The following FAM227A variants were observed in gnomAD, a reference collection of about 807,000 sequenced individuals.
The protein encoded by FAM227A is family with sequence similarity 227 member A.
In FAM227A, 80 loss-of-function variants were observed where a neutral mutation model predicts 74.7. The observed-to-expected ratio is 1.07, with a 90% CI of 0.89 to 1.29. The LOEUF is 1.29. Among genes scored for constraint, FAM227A ranks in the 50% most tolerant of loss-of-function variants. The pLI is 0.00. For missense variants in FAM227A, 654 were observed against 683.4 expected (o/e 0.96, Z 0.48); for synonymous variants, 237 against 241.8 (o/e 0.98, Z 0.19).
intron 3 of FAM227A, among the ~76,000 whole-genome samples, chr22:38,641,398 A>G (rs1268368221): frequency 2.6e-5 from 4 of 152,066 alleles, no homozygotes; most frequent in Non-Finnish European, 2.9e-5. Context: ...CTCCTGAATA[A>G]AAAATTAGCC....
intron 16 of FAM227A, among the ~76,000 whole-genome samples, chr22:38,590,900 T>G (rs2090919600): frequency 6.6e-6 from 1 of 152,206 alleles, no homozygotes; most frequent in South Asian, 2.1e-4. Context: ...TTCTCCTGCC[T>G]CAGCCTCCCG....
chr22:38,599,959 T>C (rs1569194854), intron 13 of FAM227A, 38 bp from the exon 14 acceptor site: 2 of 1,509,374 alleles, frequency 1.3e-6, no homozygotes, highest in Non-Finnish European at 1.8e-6. Flanking sequence ...AAGGATATTG[T>C]CATTTTTACA....
At chr22:38,605,192 TACC>T (rs2091258127) in intron 13 of FAM227A, 59 bp downstream of exon 13, 1 of 932,918 alleles carries the variant, frequency 1.1e-6, no homozygotes, top group Non-Finnish European at 1.7e-6. Context: ...ATCATTTTCT[TACC>T]ACACCTCTCA....
intron 11 of FAM227A, among the ~76,000 whole-genome samples, chr22:38,613,371 A>ACATATAT (rs1314171613): frequency 8.8e-4 from 10 of 11,324 alleles, no homozygotes; most frequent in Admixed American, 3.1e-3. Context: ...ATCATATATA[A>ACATATAT]TATATAACAT....
At chr22:38,587,499 TACAC>T (rs1482691426) in intron 16 of FAM227A, among the ~76,000 whole-genome samples, 2 of 151,942 alleles carry the variant, frequency 1.3e-5, no homozygotes, top group African/African-American at 4.8e-5. Flanking sequence ...AAACTAGAAA[TACAC>T]AAATTACCAA....
Position 38,605,235 on chromosome 22 carries a change from T to A in FAM227A, c.1221+19A>T. 1 of 1,422,752 alleles carries A rather than the reference T, an allele frequency of 7.0e-7. No individual in the cohort carries two copies. The highest frequency in any genetic ancestry group is 9.7e-7 in the Non-Finnish European group (1 of 1,029,790). 88.1% of individuals were successfully genotyped at this position (1,422,752 alleles called of 1,614,324 possible). On this transcript the variant is annotated intron_variant, in intron 13 of 16. Coordinates refer to ENST00000535113, the MANE Select transcript of FAM227A (RefSeq NM_001013647.2). ...CTTTGGAATCACCTTTACTATTAAA[T>A]TTCCAATCATGTGCTCACCTTTTTA...
At chr22:38,640,277 C>T (rs1029525715) in intron 3 of FAM227A, among the ~76,000 whole-genome samples, 18 of 152,274 alleles carry the variant, frequency 1.2e-4, no homozygotes, top group Admixed American at 1.1e-3. Context: ...TCCTCATCTG[C>T]CCACCTCGGC....
At chr22:38,606,305 T>C (rs781193270) in intron 12 of FAM227A, among the ~76,000 whole-genome samples, 1 of 152,178 alleles carries the variant, frequency 6.6e-6, no homozygotes, top group Non-Finnish European at 1.5e-5. Context: ...TAGCTCAGAC[T>C]ACAGATGTGC....
intron 11 of FAM227A, among the ~76,000 whole-genome samples, chr22:38,614,685 G>C (rs992346860): frequency 2.0e-5 from 3 of 152,150 alleles, no homozygotes; most frequent in Non-Finnish European, 4.4e-5. Context: ...TGTGCTCAAG[G>C]TTCCAGAGTT....
At chr22:38,650,745 C>T (rs368629710) in intron 1 of FAM227A, among the ~76,000 whole-genome samples, 2 of 152,240 alleles carry the variant, frequency 1.3e-5, no homozygotes, top group South Asian at 4.2e-4. Flanking sequence ...AAGCTTTCTG[C>T]TCCCTCTCAG....
chr22:38,613,163 ATGCT>A (rs1404343672), intron 11 of FAM227A, among the ~76,000 whole-genome samples: 10 of 82,878 alleles, frequency 1.2e-4, no homozygotes, highest in African/African-American at 5.3e-4. Flanking sequence ...TTATATATCT[ATGCT>A]GTATATATAT....
chr22:38,645,559 T>A lies in FAM227A; in HGVS notation c.225+4A>T. On this transcript the variant is annotated splice_donor_region_variant and intron_variant, in intron 3 of 16. Coordinates refer to ENST00000535113, the MANE Select transcript of FAM227A (RefSeq NM_001013647.2). Reference sequence around the variant, plus strand: ...TTGTCTCAGCTCCAGCATAGGTAACTCACCAGGCTGTTGGCCGACGGCTCG... The same window carrying A: ...TTGTCTCAGCTCCAGCATAGGTAACACACCAGGCTGTTGGCCGACGGCTCG... The A allele has an allele frequency of 6.5e-7, 1 of 1,550,076 alleles. No homozygotes were observed. Among genetic ancestry groups the A allele is most frequent in the Non-Finnish European group, 8.7e-7 (1 of 1,145,610 alleles).
intron 10 of FAM227A, among the ~76,000 whole-genome samples, chr22:38,621,773 G>A (rs775507024): frequency 2.6e-5 from 4 of 152,200 alleles, no homozygotes; most frequent in Non-Finnish European, 5.9e-5. Context: ...ATCAACTGCA[G>A]AGTCGGAGTC....
intron 6 of FAM227A, among the ~76,000 whole-genome samples, chr22:38,633,396 C>T (rs1039092645): frequency 1.3e-5 from 2 of 152,102 alleles, no homozygotes; most frequent in African/African-American, 4.8e-5. Flanking sequence ...CTTTCCACCC[C>T]GCAAATGAAT....
rs758094346 is a variant in FAM227A, at chr22:38,583,005, C to T, written c.*3120G>A. On this transcript the variant is annotated 3_prime_UTR_variant, in exon 17 of 17. Transcript: ENST00000535113. ...TTTCAGGTCCAGAAGCAGCAACAGA[C>T]AAAAGATCCAGAAATAGGAAAGTGT... is the stretch of plus-strand genomic sequence containing the variant. 8.5e-5 allele frequency: 130 copies of T among 1,525,176 alleles called. No individual in the cohort carries two copies. The highest frequency in any genetic ancestry group is 1.0e-4 in the Non-Finnish European group (113 of 1,125,778). 94.5% of individuals were successfully genotyped at this position (1,525,176 alleles called of 1,614,324 possible).
Position 38,635,228 on chromosome 22 carries a change from CAAAAAAA to C in FAM227A, c.519+1216_519+1222del, listed in dbSNP as rs34498896. On this transcript the variant is annotated intron_variant, in intron 6 of 16. Transcript: ENST00000535113. Reference sequence around the variant, plus strand: ...CTGGCGACAGAGCGAGACTCTGTCTCAAAAAAAAAAAAAAAAAAAAAGGAAGGAAGGG... The same window carrying C: ...CTGGCGACAGAGCGAGACTCTGTCTCAAAAAAAAAAAAAAGGAAGGAAGGG... Among the ~76,000 whole-genome samples the C allele has an allele frequency of 1.5e-4, 10 of 67,412 alleles. No homozygotes were observed. The East Asian group carries it at 2.0e-3, about 13-fold the overall frequency. The allele number at this position is 67,412 out of a possible 152,430, so 44.2% of individuals were successfully genotyped here.
In FAM227A at chr22:38,628,841, C is replaced by G; in HGVS notation, c.614G>C (p.Arg205Thr). ...AAGCAGATTTGTATTTACCTGGTAC[C>G]TCTCATGAAATATCCACCAAAAGCT... is the stretch of plus-strand genomic sequence containing the variant. ...LDSFWWIFHE[R>T]YQPNKELQNN... Residue 205 changes from arginine to threonine, a missense_variant, in exon 7 of 17, where the codon AGG (arginine) becomes ACG (threonine). Physicochemically the swap from Arg to Thr is moderately conservative, Grantham distance 71. Transcript: ENST00000535113. The G allele has an allele frequency of 6.6e-7, 1 of 1,513,482 alleles. No homozygotes were observed. Among genetic ancestry groups the G allele is most frequent in the Non-Finnish European group, 9.0e-7 (1 of 1,116,360 alleles). 93.8% of individuals were successfully genotyped at this position (1,513,482 alleles called of 1,614,324 possible).
chr22:38,600,056 A>T (rs2091139030), intron 13 of FAM227A, 135 bp from the exon 14 acceptor site: 3 of 851,600 alleles, frequency 3.5e-6, no homozygotes, highest in Non-Finnish European at 5.2e-6. Context: ...TAAGAAAATT[A>T]CTCAAAATAA....
Position 38,582,967 on chromosome 22 carries a change from G to A in FAM227A, c.*3158C>T. 3 of 1,549,976 alleles carry A rather than the reference G, an allele frequency of 1.9e-6. No individual in the cohort carries two copies. In the South Asian group the frequency reaches 3.6e-5, roughly 18 times the overall value. Reference sequence around the variant, plus strand: ...ATGTTGGCAGTTAACAAAGAGGAGGGAGGAGAAGGCATTTTCAGGTCCAGA... The same window carrying A: ...ATGTTGGCAGTTAACAAAGAGGAGGAAGGAGAAGGCATTTTCAGGTCCAGA... On this transcript the variant is annotated 3_prime_UTR_variant, in exon 17 of 17. Transcript: ENST00000535113.
Sources: allele counts gnomAD v4.1 joint callset (sites outside exome capture counted in the v4.1 genomes callset), GRCh38; gene constraint gnomAD v4.1.1; transcripts MANE v1.5; gene names NCBI Gene and HGNC (gene_info 2026-07-23, HGNC 2026-07-21).